Variants in BCAS4 observed in about 807,000 individuals in gnomAD.
BCAS4 encodes the protein breast carcinoma-amplified sequence 4.
BCAS4 carries 9 observed loss-of-function variants against 15.7 expected under a neutral mutation model. That is an observed-to-expected ratio of 0.57 (90% CI 0.34 to 1.00). The LOEUF (loss-of-function observed/expected upper bound fraction) is 1.00, where lower values mean the gene tolerates loss of function less well. Among genes scored for constraint, BCAS4 ranks in the 50% least tolerant of loss-of-function variants. The pLI is 0.02. For synonymous variants in BCAS4, 101 were observed against 99.5 expected (o/e 1.02, Z -0.09); for missense variants, 225 against 239.1 (o/e 0.94, Z 0.39).
chr20:50,866,173 C>G (rs1979347952), intron 4 of BCAS4, among the ~76,000 whole-genome samples: 1 of 152,224 alleles, frequency 6.6e-6, no homozygotes, highest in South Asian at 2.1e-4. Context: ...TCCTCACTCA[C>G]GGCTCTTGTA....
chr20:50,852,192 G>A (rs1179386091), intron 4 of BCAS4, among the ~76,000 whole-genome samples: 3 of 152,156 alleles, frequency 2.0e-5, no homozygotes, highest in Non-Finnish European at 4.4e-5. Context: ...TGATTCCAGA[G>A]TCCCACATTC....
intron 4 of BCAS4, among the ~76,000 whole-genome samples, chr20:50,867,253 A>G (rs1188493643): frequency 6.6e-6 from 1 of 152,118 alleles, no homozygotes; most frequent in Non-Finnish European, 1.5e-5. Flanking sequence ...ACATTCAGTC[A>G]TCATGTCTCC....
At chr20:50,872,381 T>C (rs1191930876) in intron 4 of BCAS4, among the ~76,000 whole-genome samples, 1 of 150,202 alleles carries the variant, frequency 6.7e-6, no homozygotes, top group Non-Finnish European at 1.5e-5. Context: ...CCATCCTGGC[T>C]AACACAGTGA....
At chr20:50,837,237 T>C (rs891579531) in intron 3 of BCAS4, among the ~76,000 whole-genome samples, 1 of 152,182 alleles carries the variant, frequency 6.6e-6, no homozygotes, top group Non-Finnish European at 1.5e-5. Context: ...CCCTCCTGGA[T>C]GTCAACACAC....
intron 1 of BCAS4, among the ~76,000 whole-genome samples, chr20:50,811,103 G>A (rs1451535413): frequency 6.6e-6 from 1 of 152,194 alleles, no homozygotes; most frequent in Non-Finnish European, 1.5e-5. Context: ...GTGGGGACGA[G>A]CAACAGGCAG....
intron 2 of BCAS4, among the ~76,000 whole-genome samples, 157 bp downstream of exon 2, chr20:50,818,439 CCTCT>C (rs3830778): frequency 3.3e-5 from 5 of 150,996 alleles, no homozygotes; most frequent in Admixed American, 6.6e-5. Context: ...AACACTCCCT[CCTCT>C]CTCTCTCTCT....
chr20:50,822,043 T>G (rs1245726522), intron 2 of BCAS4, among the ~76,000 whole-genome samples: 1 of 152,202 alleles, frequency 6.6e-6, no homozygotes, highest in Non-Finnish European at 1.5e-5. Context: ...CCCATTTATT[T>G]TGTGGGCTAG....
intron 3 of BCAS4, among the ~76,000 whole-genome samples, chr20:50,838,373 CG>C (rs2088436021): frequency 6.6e-6 from 1 of 152,064 alleles, no homozygotes; most frequent in South Asian, 2.1e-4. Flanking sequence ...GAGTGCCTGC[CG>C]GGGCTATATG....
Position 50,851,195 on chromosome 20 carries a change from G to A in BCAS4, c.399+9295G>A, listed in dbSNP as rs1484453653. ...GTAAGACACAAACAAGAAGGGAGAGGAAATTGTGAGGCGCCTTCTCCCGGC... is the reference window on the plus strand; with the variant it reads ...GTAAGACACAAACAAGAAGGGAGAGAAAATTGTGAGGCGCCTTCTCCCGGC... On this transcript the variant is annotated intron_variant, in intron 4 of 4. Transcript: ENST00000371608. The surrounding 1 kb of genome is among the most constrained non-coding windows in gnomAD (Gnocchi z 4.3). Among the ~76,000 whole-genome samples, 1 of 152,188 alleles carries A rather than the reference G, an allele frequency of 6.6e-6. No homozygotes were observed. Among genetic ancestry groups the A allele is most frequent in the Non-Finnish European group, 1.5e-5 (1 of 68,032 alleles).
intron 4 of BCAS4, among the ~76,000 whole-genome samples, chr20:50,862,071 C>T (rs953172495): frequency 3.3e-5 from 5 of 151,838 alleles, no homozygotes; most frequent in South Asian, 2.1e-4. Flanking sequence ...CTGTGTTGCC[C>T]GGCTGGATTC....
chr20:50,815,325 C>A (rs2088124411), intron 1 of BCAS4, among the ~76,000 whole-genome samples: 1 of 152,182 alleles, frequency 6.6e-6, no homozygotes, highest in Non-Finnish European at 1.5e-5. Context: ...TCCGTGGCCT[C>A]CCATGCAGGT....
At chr20:50,834,927 G>A (rs142046565) in intron 3 of BCAS4, among the ~76,000 whole-genome samples, 76 of 152,300 alleles carry the variant, frequency 5.0e-4, no homozygotes, top group African/African-American at 1.8e-3. Context: ...GTATATGGCT[G>A]GACCATACTT....
Position 50,817,190 on chromosome 20 carries a change from G to T in BCAS4, c.91-1021G>T, listed in dbSNP as rs117518466. Among the ~76,000 whole-genome samples the T allele has an allele frequency of 8.1e-3, 1,226 of 151,246 alleles. 42 individuals are homozygous for T. In the East Asian group the frequency reaches 0.12, roughly 15 times the overall value. On this transcript the variant is annotated intron_variant, in intron 1 of 4. Coordinates refer to ENST00000371608, the MANE Select transcript of BCAS4 (RefSeq NM_198799.4). ...TGGACTTAAGTGATCTTCCTGCCTC[G>T]GCCTCCCAAAATGTTGGGATTACAG... is the stretch of plus-strand genomic sequence containing the variant.
rs763995627 is a variant in BCAS4, at chr20:50,841,870, G to A, written c.369G>A (p.Leu123=). 6.3e-7 allele frequency: 1 copy of A among 1,598,818 alleles called. No homozygotes were observed. Among genetic ancestry groups the A allele is most frequent in the Admixed American group, 1.7e-5 (1 of 58,042 alleles). Residue 123 remains leucine (L), a synonymous_variant, in exon 4 of 5, where the codon CTG becomes CTA. Coordinates refer to ENST00000371608, the MANE Select transcript of BCAS4 (RefSeq NM_198799.4). ...GAFPQALRRW[L]GSAGLPSFRN... ...TCCCTCAGGCCCTGCGGAGGTGGCT[G>A]GGATCCGCAGGGCTCCCCTCCTTCA...
chr20:50,880,670 C>G (rs190235767), downstream of BCAS4: 1 of 152,248 alleles, frequency 6.6e-6, no homozygotes, highest in East Asian at 1.9e-4. Flanking sequence ...GTAGAAAGGT[C>G]ACTGCAGATT....
chr20:50,822,874 G>A (rs940085660), intron 2 of BCAS4, among the ~76,000 whole-genome samples: 4 of 151,076 alleles, frequency 2.6e-5, no homozygotes, highest in African/African-American at 4.9e-5. Flanking sequence ...TGATCCACCC[G>A]CCTCAGCCAT....
At position 50,838,173 on chromosome 20, in the gene BCAS4, G is replaced by A. The variant is rs535476216; in HGVS notation, c.265-3593G>A. 9.2e-5 allele frequency among the ~76,000 whole-genome samples: 14 copies of A among 152,340 alleles called. No homozygotes were observed. In the South Asian group the frequency reaches 2.1e-3, roughly 23 times the overall value. ...TTCACTCATTCATTCATTCATGCAC[G>A]TGTGCATTTATGCATCCGCCACCCA... On this transcript the variant is annotated intron_variant, in intron 3 of 4. Coordinates refer to ENST00000371608, the MANE Select transcript of BCAS4 (RefSeq NM_198799.4).
intron 1 of BCAS4, among the ~76,000 whole-genome samples, chr20:50,809,318 T>G (rs2088032678): frequency 1.3e-5 from 2 of 152,134 alleles, no homozygotes; most frequent in Non-Finnish European, 2.9e-5. Flanking sequence ...CAAGCAATTC[T>G]CCTGCCTCAG....
intron 4 of BCAS4, among the ~76,000 whole-genome samples, chr20:50,857,313 T>G (rs549608389): frequency 1.9e-3 from 289 of 152,236 alleles, no homozygotes; most frequent in Middle Eastern, 6.8e-3. Context: ...GTATTTTTAG[T>G]GGAGACGGGG....
Sources: gnomAD v4.1 joint callset for allele counts (sites outside exome capture counted in the v4.1 genomes callset) on GRCh38, gnomAD v4.1.1 for gene constraint, Gnocchi (gnomAD v3.1) non-coding constraint, MANE v1.5 for transcripts, NCBI Gene and HGNC (gene_info 2026-07-23, HGNC 2026-07-21) for gene names.